Variants in B4GALNT3 observed in about 807,000 individuals in gnomAD.
B4GALNT3 encodes beta-1,4-N-acetylgalactosaminyltransferase 3.
In B4GALNT3, 86 loss-of-function variants were observed where a neutral mutation model predicts 120.2. That is an observed-to-expected ratio of 0.72 (90% CI 0.60 to 0.86). B4GALNT3 has a LOEUF of 0.86. Among genes scored for constraint, B4GALNT3 ranks in the 40% least tolerant of loss-of-function variants. The pLI is 0.00. For missense variants in B4GALNT3, 1,167 were observed against 1,298.9 expected (o/e 0.90, Z 1.56); for synonymous variants, 518 against 510.4 (o/e 1.01, Z -0.20).
intron 1 of B4GALNT3, among the ~76,000 whole-genome samples, chr12:499,579 C>T (rs12821124): frequency 0.036 from 4,651 of 130,910 alleles, 84 homozygotes; most frequent in Non-Finnish European, 0.053. Flanking sequence ...CCCGTGCTCT[C>T]ACTATCTAGA....
chr12:510,802 G>C (rs77637096), intron 1 of B4GALNT3, among the ~76,000 whole-genome samples: 3,761 of 151,930 alleles, frequency 0.025, 162 homozygotes, highest in African/African-American at 0.084. Context: ...GCTATAAGTC[G>C]GCCAGCCTCA....
rs1374193338 is a variant in B4GALNT3, at chr12:459,981, G to T, written c.-396G>T. Among the ~76,000 whole-genome samples the T allele has an allele frequency of 6.6e-6, 1 of 151,262 alleles. No homozygotes were observed. Among genetic ancestry groups the T allele is most frequent in the Non-Finnish European group, 1.5e-5 (1 of 67,752 alleles). On this transcript the variant is annotated 5_prime_UTR_variant, in exon 1 of 20. Coordinates refer to ENST00000266383, the MANE Select transcript of B4GALNT3 (RefSeq NM_173593.4). Reference sequence around the variant, plus strand: ...GAGCCCAGAGCCCGGAGCCCGGTCCGGGGCTGGCGGGGGCGCGGGCGGAGG... The same window carrying T: ...GAGCCCAGAGCCCGGAGCCCGGTCCTGGGCTGGCGGGGGCGCGGGCGGAGG...
chr12:512,237 CA>C (rs1946586493), intron 1 of B4GALNT3, among the ~76,000 whole-genome samples: 1 of 83,268 alleles, frequency 1.2e-5, no homozygotes, highest in African/African-American at 6.5e-5. Flanking sequence ...TTCCACCTTC[CA>C]CCTTCCACCT....
intron 1 of B4GALNT3, among the ~76,000 whole-genome samples, chr12:473,487 A>G (rs971021663): frequency 6.6e-6 from 1 of 152,170 alleles, no homozygotes; most frequent in Non-Finnish European, 1.5e-5. Flanking sequence ...GGAGAAGGTG[A>G]TGGAATACCA....
At position 553,939 on chromosome 12, in the gene B4GALNT3, G is replaced by A. The variant is rs547711986; in HGVS notation, c.2016G>A (p.Glu672=). ...NLLLPEQEAL[E]VTRVFLKKLN... is the part of the protein sequence containing the mutation. ...TGCTTCCAGAGCAGGAAGCTCTGGA[G>A]GTCACGCGAGTCTTCTTGAAGAAGC... Residue 672 remains glutamate, a synonymous_variant, in exon 14 of 20, where the codon GAG becomes GAA. Coordinates refer to ENST00000266383, the MANE Select transcript of B4GALNT3 (RefSeq NM_173593.4). 4.3e-6 allele frequency: 7 copies of A among 1,613,900 alleles called. No homozygotes were observed. The South Asian group carries it at 6.6e-5, about 15-fold the overall frequency.
At position 511,419 on chromosome 12, in the gene B4GALNT3, C is replaced by T. The variant is rs548528126; in HGVS notation, c.170-23747C>T. ...TGTCTTCCACCTTCCTTCCACCTTC[C>T]ACCTTCCACCTTCTTCCACCTTCCA... On this transcript the variant is annotated intron_variant, in intron 1 of 19. Transcript: ENST00000266383. Among the ~76,000 whole-genome samples, 170 of 113,258 alleles carry T rather than the reference C, an allele frequency of 1.5e-3. 6 individuals carry two copies. Among genetic ancestry groups the T allele is most frequent in the African/African-American group, 5.9e-3 (156 of 26,228 alleles). The allele number at this position is 113,258 out of a possible 152,430, so 74.3% of individuals were successfully genotyped here.
At chr12:557,465 A>G (rs1340387464) in intron 15 of B4GALNT3, 143 bp from the exon 16 acceptor site, 45 of 764,522 alleles carry the variant, frequency 5.9e-5, no homozygotes, top group African/African-American at 1.4e-4. Context: ...CTGCACTGCT[A>G]ATGGTTTTGC....
intron 1 of B4GALNT3, among the ~76,000 whole-genome samples, chr12:503,354 G>A (rs1176239832): frequency 6.6e-6 from 1 of 152,050 alleles, no homozygotes; most frequent in East Asian, 1.9e-4. Context: ...CACTCACACA[G>A]CCTCTTTTTC....
intron 1 of B4GALNT3, among the ~76,000 whole-genome samples, chr12:511,173 C>A (rs73590398): frequency 6.6e-6 from 1 of 151,360 alleles, no homozygotes; most frequent in African/African-American, 2.4e-5. Context: ...GAACTACAGG[C>A]GTGTGCCACC....
At chr12:521,969 CT>C (rs11421108) in intron 1 of B4GALNT3, among the ~76,000 whole-genome samples, 94 of 146,406 alleles carry the variant, frequency 6.4e-4, no homozygotes, top group Admixed American at 1.2e-3. Context: ...CTCAGAAGTT[CT>C]TTTTTTTTTT....
intron 1 of B4GALNT3, among the ~76,000 whole-genome samples, chr12:526,087 G>A (rs1946756496): frequency 6.6e-6 from 1 of 152,198 alleles, no homozygotes; most frequent in East Asian, 1.9e-4. Context: ...ATGTGGGCAT[G>A]GGTATGTGTG....
chr12:471,300 G>A (rs926651543), intron 1 of B4GALNT3, among the ~76,000 whole-genome samples: 11 of 151,488 alleles, frequency 7.3e-5, no homozygotes, highest in Admixed American at 3.3e-4. Context: ...CTGGAGAATC[G>A]CTTGAACCCA....
Position 553,788 on chromosome 12 carries a change from T to C in B4GALNT3, c.1865T>C (p.Phe622Ser). The change falls in exon 14 of 20, where the codon TTC becomes TCC. Residue 622 changes from phenylalanine to serine, a missense_variant. Transcript: ENST00000266383. Reference sequence around the variant, plus strand: ...GAGGAAGAGGATATGAGTGAGGTGTTCGAGTACGTACCTGTGTTTGACCCG... The same window carrying C: ...GAGGAAGAGGATATGAGTGAGGTGTCCGAGTACGTACCTGTGTTTGACCCG... ...EEEEEDMSEV[F>S]EYVPVFDPVV... 1 of 1,614,126 alleles carries C rather than the reference T, an allele frequency of 6.2e-7. No individual in the cohort carries two copies. Among genetic ancestry groups the C allele is most frequent in the Non-Finnish European group, 8.5e-7 (1 of 1,180,002 alleles).
intron 1 of B4GALNT3, among the ~76,000 whole-genome samples, chr12:478,822 C>T (rs1288644268): frequency 6.6e-6 from 1 of 152,186 alleles, no homozygotes; most frequent in Non-Finnish European, 1.5e-5. Flanking sequence ...AACCTTTCTC[C>T]TGGGAAGTCA....
rs1947252624 is a variant in B4GALNT3, at chr12:563,461, T to G, written c.*2010T>G. 6.6e-6 allele frequency: 1 copy of G among 151,942 alleles called. No homozygotes were observed. Among genetic ancestry groups the G allele is most frequent in the Admixed American group, 6.6e-5 (1 of 15,254 alleles). The allele number at this position is 151,942 out of a possible 1,614,324, so 9.4% of individuals were successfully genotyped here. On this transcript the variant is annotated 3_prime_UTR_variant, in exon 20 of 20. Coordinates refer to ENST00000266383, the MANE Select transcript of B4GALNT3 (RefSeq NM_173593.4). ...GTCTTGGGTAGGAGAGGGTGTGGGA[T>G]GGTGGGAGGGGAAGCATTAAATACA...
Position 484,373 on chromosome 12 carries a change from T to G in B4GALNT3, c.169+23828T>G, listed in dbSNP as rs535224516. On this transcript the variant is annotated intron_variant, in intron 1 of 19. Coordinates refer to ENST00000266383, the MANE Select transcript of B4GALNT3 (RefSeq NM_173593.4). ...TGTTGGCACGTGCCACGGTTATCTC[T>G]GGGGCCATCACCCTTTGCTGAGAAG... Among the ~76,000 whole-genome samples, 27 of 152,326 alleles carry G rather than the reference T, an allele frequency of 1.8e-4. No individual in the cohort carries two copies. In the East Asian group the frequency reaches 4.8e-3, roughly 27 times the overall value.
intron 1 of B4GALNT3, among the ~76,000 whole-genome samples, chr12:468,961 G>A (rs1050353016): frequency 2.6e-5 from 4 of 152,224 alleles, no homozygotes; most frequent in African/African-American, 9.6e-5. Flanking sequence ...CACATTCCAG[G>A]CCGACCAAAG....
In B4GALNT3 at chr12:553,665, A is replaced by G; in HGVS notation, c.1742A>G (p.Gln581Arg). The change falls in exon 14 of 20, where the codon CAG becomes CGG. Residue 581 changes from glutamine (Q) to arginine (R), a missense_variant. Coordinates refer to ENST00000266383, the MANE Select transcript of B4GALNT3 (RefSeq NM_173593.4). ...EQRRGDRMRP[Q>R]APGRGWHGEE... ...AGACGGGGTGACAGGATGCGGCCTC[A>G]GGCCCCTGGAAGGGGCTGGCATGGG... is the stretch of plus-strand genomic sequence containing the variant. 1 of 1,614,020 alleles carries G rather than the reference A, an allele frequency of 6.2e-7. No individual in the cohort carries two copies. Among genetic ancestry groups the G allele is most frequent in the Non-Finnish European group, 8.5e-7 (1 of 1,179,912 alleles).
intron 1 of B4GALNT3, among the ~76,000 whole-genome samples, chr12:465,953 T>C (rs1163199124): frequency 7.2e-6 from 1 of 138,814 alleles, no homozygotes; most frequent in African/African-American, 2.7e-5. Flanking sequence ...CACTCCCTGT[T>C]CTGGGAGTTG....
Sources: allele counts gnomAD v4.1 joint callset (sites outside exome capture counted in the v4.1 genomes callset), GRCh38; gene constraint gnomAD v4.1.1; transcripts MANE v1.5; gene names NCBI Gene and HGNC (gene_info 2026-07-23, HGNC 2026-07-21).